Variants in L3MBTL4 observed in about 807,000 individuals in gnomAD.
The protein encoded by L3MBTL4 is L3MBTL histone methyl-lysine binding protein 4, also known as lethal(3)malignant brain tumor-like protein 4.
In L3MBTL4, 70 loss-of-function variants were observed where a neutral mutation model predicts 84.5. The observed-to-expected ratio is 0.83, with a 90% CI of 0.68 to 1.01. The LOEUF (loss-of-function observed/expected upper bound fraction) is 1.01, where lower values mean the gene tolerates loss of function less well. Among genes scored for constraint, L3MBTL4 ranks in the 50% least tolerant of loss-of-function variants. The pLI is 0.00. For missense variants in L3MBTL4, 715 were observed against 754.8 expected, an observed-to-expected ratio of 0.95 and a Z score of 0.62; for synonymous variants, 274 against 259.8, an observed-to-expected ratio of 1.05 and a Z score of -0.52.
chr18:6,401,937 A>G (rs2055530662), intron 1 of L3MBTL4, among the ~76,000 whole-genome samples: 1 of 152,230 alleles, frequency 6.6e-6, no homozygotes, highest in African/African-American at 2.4e-5. Context: ...AACCTCCACA[A>G]TGAGAAGTTG....
chr18:6,234,649 T>A (rs1427431807), intron 10 of L3MBTL4, among the ~76,000 whole-genome samples: 3 of 152,084 alleles, frequency 2.0e-5, no homozygotes, highest in African/African-American at 7.2e-5. Context: ...ATGGCGATCA[T>A]TAAAAAGTCA....
intron 4 of L3MBTL4, among the ~76,000 whole-genome samples, chr18:6,300,730 A>G (rs2050303800): frequency 6.6e-6 from 1 of 152,204 alleles, no homozygotes; most frequent in Non-Finnish European, 1.5e-5. Context: ...GTGTGAAAAT[A>G]TAGCTGCAGG....
At chr18:6,184,734 G>A (rs2044639932) in intron 12 of L3MBTL4, among the ~76,000 whole-genome samples, 2 of 152,202 alleles carry the variant, frequency 1.3e-5, no homozygotes, top group Non-Finnish European at 2.9e-5. Flanking sequence ...TGGGTGAAGA[G>A]AAGAGTGCAT....
intron 14 of L3MBTL4, among the ~76,000 whole-genome samples, chr18:6,126,413 C>T (rs986314719): frequency 2.6e-5 from 4 of 152,122 alleles, no homozygotes; most frequent in Non-Finnish European, 4.4e-5. Flanking sequence ...TCAGCTTCTC[C>T]TTAATCAATG....
At chr18:6,138,885 T>C (rs1183696186) in intron 13 of L3MBTL4, among the ~76,000 whole-genome samples, 1 of 152,132 alleles carries the variant, frequency 6.6e-6, no homozygotes, top group Non-Finnish European at 1.5e-5. Flanking sequence ...CTTTCAGAGA[T>C]TAATAATGGC....
At chr18:6,005,524 GT>G (rs2054434887) in intron 16 of L3MBTL4, among the ~76,000 whole-genome samples, 1 of 152,022 alleles carries the variant, frequency 6.6e-6, no homozygotes, top group Non-Finnish European at 1.5e-5. Flanking sequence ...GCTGTCTGTG[GT>G]TCTCTTCCTT....
At chr18:6,245,199 A>C (rs548889270) in intron 5 of L3MBTL4, among the ~76,000 whole-genome samples, 2 of 152,282 alleles carry the variant, frequency 1.3e-5, no homozygotes, top group African/African-American at 4.8e-5. Context: ...AGCCCAAATA[A>C]GAATTTTTTG....
intron 1 of L3MBTL4, among the ~76,000 whole-genome samples, chr18:6,357,301 T>G (rs2053491337): frequency 6.6e-6 from 1 of 152,218 alleles, no homozygotes; most frequent in Non-Finnish European, 1.5e-5. Context: ...TCTTGAGACA[T>G]TCTGTGAAAT....
intron 16 of L3MBTL4, among the ~76,000 whole-genome samples, chr18:6,028,526 T>G (rs1015623983): frequency 6.6e-6 from 1 of 152,232 alleles, no homozygotes; most frequent in African/African-American, 2.4e-5. Context: ...TGGGCTCTTT[T>G]CTGGTTCCAT....
At chr18:6,000,420 T>C (rs958802298) in intron 16 of L3MBTL4, among the ~76,000 whole-genome samples, 1 of 151,982 alleles carries the variant, frequency 6.6e-6, no homozygotes, top group Admixed American at 6.6e-5. Context: ...GGAATAGAGA[T>C]GGAACTCGAA....
chr18:6,383,046 C>T (rs8088574), intron 1 of L3MBTL4, among the ~76,000 whole-genome samples: 21,521 of 152,042 alleles, frequency 0.14, 1,966 homozygotes, highest in East Asian at 0.3. Flanking sequence ...CTGGCCACAG[C>T]GGCCTTGCTG....
chr18:6,303,929 G>A (rs972681045), intron 3 of L3MBTL4, among the ~76,000 whole-genome samples: 4 of 150,380 alleles, frequency 2.7e-5, no homozygotes, highest in Admixed American at 6.6e-5. Flanking sequence ...CAGGAGAATC[G>A]CTTGAACCCG....
Position 6,235,654 on chromosome 18 carries a change from T to C in L3MBTL4, c.784+2310A>G, listed in dbSNP as rs9953313. ...CAAAGTCATAGAGGTGGAAAGCTGA[T>C]TAAAGGTGCCAGGGAAATAGGGGTA... On this transcript the variant is annotated intron_variant, in intron 10 of 18. Coordinates refer to ENST00000317931, the MANE Select transcript of L3MBTL4 (RefSeq NM_001330559.2). 8.6e-3 allele frequency among the ~76,000 whole-genome samples: 1,306 copies of C among 152,318 alleles called. 18 individuals carry two copies. Among genetic ancestry groups the C allele is most frequent in the African/African-American group, 0.03 (1,258 of 41,554 alleles).
intron 16 of L3MBTL4, among the ~76,000 whole-genome samples, chr18:6,076,345 C>T (rs969339112): frequency 2.0e-5 from 3 of 152,158 alleles, no homozygotes; most frequent in African/African-American, 7.2e-5. Context: ...AGAAGTCAGA[C>T]ATAAAAGTGT....
At chr18:6,391,387 G>C (rs909363304) in intron 1 of L3MBTL4, among the ~76,000 whole-genome samples, 42 of 152,086 alleles carry the variant, frequency 2.8e-4, no homozygotes, top group African/African-American at 9.9e-4. Flanking sequence ...ACACTGAATA[G>C]AGAAAAGTTG....
intron 16 of L3MBTL4, among the ~76,000 whole-genome samples, chr18:6,076,939 T>A (rs1200606998): frequency 6.6e-6 from 1 of 152,056 alleles, no homozygotes; most frequent in African/African-American, 2.4e-5. Context: ...CCAAGGAGCG[T>A]CTAACGGCGA....
Position 5,962,969 on chromosome 18 carries a change from A to G in L3MBTL4, c.1615-2813T>C, listed in dbSNP as rs763267488. 2.0e-5 allele frequency among the ~76,000 whole-genome samples: 3 copies of G among 152,340 alleles called. No individual in the cohort carries two copies. In the South Asian group the frequency reaches 6.2e-4, roughly 32 times the overall value. On this transcript the variant is annotated intron_variant, in intron 17 of 18. Transcript: ENST00000317931. ...CCCTTCTGAGTTGTAACAACCAAAA[A>G]TATGCCCAGATATTGCCAAATGCCC... is the stretch of plus-strand genomic sequence containing the variant.
chr18:6,320,882 T>A (rs1336773971), intron 1 of L3MBTL4, among the ~76,000 whole-genome samples: 2 of 152,118 alleles, frequency 1.3e-5, no homozygotes, highest in Non-Finnish European at 2.9e-5. Flanking sequence ...ATGGTACTGG[T>A]ATAAAAATAG....
chr18:6,323,610 G>T (rs74597983), intron 1 of L3MBTL4, among the ~76,000 whole-genome samples: 6,407 of 152,300 alleles, frequency 0.042, 156 homozygotes, highest in East Asian at 0.1. Context: ...GGTGGAAAAA[G>T]TTCCTAAGGA....
Sources: allele counts gnomAD v4.1 joint callset (sites outside exome capture counted in the v4.1 genomes callset), GRCh38; gene constraint gnomAD v4.1.1; transcripts MANE v1.5; gene names NCBI Gene and HGNC (gene_info 2026-07-23, HGNC 2026-07-21).